CEACAM20: variants seen among roughly 807,000 people sequenced by gnomAD.
CEACAM20 encodes the protein cell adhesion molecule CEACAM20.
Under a neutral mutation model 61.2 loss-of-function variants are expected in CEACAM20, and 50 were observed. The ratio of observed to expected loss-of-function variants is 0.82; its 90% confidence interval spans 0.65 to 1.03. The LOEUF (loss-of-function observed/expected upper bound fraction) is 1.03, where lower values mean the gene tolerates loss of function less well. Among genes scored for constraint, CEACAM20 ranks in the 50% least tolerant of loss-of-function variants. CEACAM20 has a pLI of 0.00. For synonymous variants in CEACAM20, 282 were observed against 287.7 expected (o/e 0.98, Z 0.20); for missense variants, 683 against 736.4 (o/e 0.93, Z 0.84).
chr19:44,515,590 TGACA>T (rs1971131733), intron 6 of CEACAM20, among the ~76,000 whole-genome samples: 3 of 152,164 alleles, frequency 2.0e-5, no homozygotes, highest in African/African-American at 2.4e-5. Context: ...CAAAACTGGC[TGACA>T]GAGAGTACCC....
Position 44,513,172 on chromosome 19 carries a change from C to CCCTGTATCCCTGT in CEACAM20, c.1426_1427insACAGGGATACAGG (p.Arg476HisfsTer17). On this transcript the variant is annotated frameshift_variant and splice_region_variant, in exon 7 of 12. Coordinates refer to ENST00000614924, the MANE Select transcript of CEACAM20 (RefSeq NM_001102597.3). LOFTEE classifies it high-confidence loss of function. ...CCCCCTCCCTGTATCCCTGTGTTAC[C>CCCTGTATCCCTGT]GTCTGGCATTTCTGATGCAGAGAAA... The CCCTGTATCCCTGT allele has an allele frequency of 6.2e-7, 1 of 1,608,108 alleles. No individual in the cohort carries two copies. Among genetic ancestry groups the CCCTGTATCCCTGT allele is most frequent in the Non-Finnish European group, 8.5e-7 (1 of 1,174,894 alleles).
At chr19:44,526,138 A>C (rs1304336746) in intron 1 of CEACAM20, among the ~76,000 whole-genome samples, 1 of 152,160 alleles carries the variant, frequency 6.6e-6, no homozygotes, top group Non-Finnish European at 1.5e-5. Context: ...GAAAAATATT[A>C]ACTTTTGGTA....
At chr19:44,509,333 T>C (rs1970905491) in intron 11 of CEACAM20, among the ~76,000 whole-genome samples, 1 of 146,768 alleles carries the variant, frequency 6.8e-6, no homozygotes, top group South Asian at 2.2e-4. Context: ...AAGTATAACA[T>C]TAAAGAATAA....
intron 5 of CEACAM20, among the ~76,000 whole-genome samples, chr19:44,518,217 GGA>G (rs1326365235): frequency 9.6e-6 from 1 of 104,386 alleles, no homozygotes. Flanking sequence ...AAGGAAGGAA[GGA>G]GAGAGAGAGA....
In CEACAM20 at chr19:44,522,664, T is replaced by C. The variant is rs774956877; in HGVS notation, c.721A>G (p.Ser241Gly). 8 of 1,613,592 alleles carry C rather than the reference T, an allele frequency of 5.0e-6. No homozygotes were observed. The East Asian group carries it at 8.9e-5, about 18-fold the overall frequency. ...LVSNSATHLS[S>G]LGTLKVRVLE... is the part of the protein sequence containing the mutation. ...ACTCGGACCTTCAGAGTACCCAGGC[T>C]GGACAGGTGGGTGGCACTGTTGGAC... Residue 241 changes from serine (S) to glycine (G), a missense_variant, in exon 4 of 12, where the codon AGC becomes GGC. Physicochemically the swap from Ser to Gly is moderately conservative, Grantham distance 56. Transcript: ENST00000614924.
chr19:44,520,922 T>C (rs934823678), intron 4 of CEACAM20, among the ~76,000 whole-genome samples, 170 bp from the exon 5 acceptor site: 1 of 152,048 alleles, frequency 6.6e-6, no homozygotes, highest in African/African-American at 2.4e-5. Flanking sequence ...TACGTGTATG[T>C]CTTTTGTGGA....
At position 44,520,669 on chromosome 19, in the gene CEACAM20, C is replaced by T. The variant is rs770524597; in HGVS notation, c.835G>A (p.Val279Ile). The change falls in exon 5 of 12, where the codon GTC becomes ATC. Residue 279 changes from valine (V) to isoleucine (I), a missense_variant. Val to Ile is a conservative substitution (Grantham distance 29). Coordinates refer to ENST00000614924, the MANE Select transcript of CEACAM20 (RefSeq NM_001102597.3). The part of the protein sequence containing the change: ...ARSVDLTCQT[V>I]NQSVNVQWFL... ...CACTGGACATTCACACTCTGATTGA[C>T]GGTTTGGCAGGTCAGGTCCACAGAC... 1.3e-4 allele frequency: 203 copies of T among 1,613,876 alleles called. No individual in the cohort carries two copies. Among genetic ancestry groups the T allele is most frequent in the Non-Finnish European group, 1.6e-4 (183 of 1,179,892 alleles).
rs1568448369 is a variant in CEACAM20 at position 44,513,155 on chromosome 19, C to CT, written c.1427+16dup. ...CACATCCCCATCCCCATCCCCCTCC[C>CT]TGTATCCCTGTGTTACCGTCTGGCA... On this transcript the variant is annotated intron_variant, in intron 7 of 11. Coordinates refer to ENST00000614924, the MANE Select transcript of CEACAM20 (RefSeq NM_001102597.3). 2 of 1,588,708 alleles carry CT rather than the reference C, an allele frequency of 1.3e-6. No individual in the cohort carries two copies. Among genetic ancestry groups the CT allele is most frequent in the African/African-American group, 1.3e-5 (1 of 74,446 alleles).
intron 1 of CEACAM20, among the ~76,000 whole-genome samples, chr19:44,528,956 CTTT>C (rs71171255): frequency 1.3e-4 from 12 of 92,614 alleles, no homozygotes; most frequent in South Asian, 1.3e-3. Flanking sequence ...CTCTTTCTTT[CTTT>C]TTTTTTTTTT....
chr19:44,511,152 T>TCG lies in CEACAM20; in HGVS notation c.1613_1614dup (p.Lys539ArgfsTer23). The TCG allele has an allele frequency of 6.2e-7, 1 of 1,613,610 alleles. No homozygotes were observed. Among genetic ancestry groups the TCG allele is most frequent in the Non-Finnish European group, 8.5e-7 (1 of 1,179,768 alleles). ...CCTCTACGGCTTGCTGAAGGCAGCT[T>TCG]CGTCTGCAAGTAAGCAGAGAAATTA... is the stretch of plus-strand genomic sequence containing the variant. On this transcript the variant is annotated frameshift_variant, in exon 11 of 12. Transcript: ENST00000614924. LOFTEE classifies it high-confidence loss of function.
chr19:44,513,180 A>C lies in CEACAM20; in HGVS notation c.1419T>G (p.Asn473Lys), dbSNP rs759138689. 2.3e-5 allele frequency: 37 copies of C among 1,611,704 alleles called. No homozygotes were observed. Among genetic ancestry groups the C allele is most frequent in the Non-Finnish European group, 2.6e-5 (31 of 1,178,060 alleles). ...SELGYFLCIR[N>K]ARRPSRKTTE... is the part of the protein sequence containing the mutation. ...CTGTATCCCTGTGTTACCGTCTGGC[A>C]TTTCTGATGCAGAGAAAATAGCCCA... The change falls in exon 7 of 12, where the codon AAT (asparagine) becomes AAG (lysine). Residue 473 changes from asparagine to lysine, a missense_variant. By Grantham distance (94) the Asn-to-Lys change is moderately conservative. Transcript: ENST00000614924.
At position 44,529,477 on chromosome 19, in the gene CEACAM20, C is replaced by T; in HGVS notation, c.33G>A (p.Trp11Ter). MGPADSWGHH[W>*]MGILLSASLC... ...ACTCACCTGAAAGCAGGATTCCCAT[C>T]CAGTGGTGTCCCCATGAGTCAGCAG... Residue 11 changes from tryptophan to a stop codon, truncating the protein, a stop_gained, in exon 1 of 12, where the codon TGG becomes TGA. Coordinates refer to ENST00000614924, the MANE Select transcript of CEACAM20 (RefSeq NM_001102597.3). LOFTEE classifies it high-confidence loss of function. The T allele has an allele frequency of 6.2e-7, 1 of 1,613,718 alleles. No homozygotes were observed. The highest frequency in any genetic ancestry group is 8.5e-7 in the Non-Finnish European group (1 of 1,179,838).
At chr19:44,509,726 G>A (rs911289000) in intron 11 of CEACAM20, among the ~76,000 whole-genome samples, 6 of 151,980 alleles carry the variant, frequency 3.9e-5, no homozygotes, top group East Asian at 1.9e-4. Flanking sequence ...GGAAAACAGT[G>A]AAATAGAATT....
intron 11 of CEACAM20, 36 bp downstream of exon 11, chr19:44,510,994 C>T (rs758283920): frequency 1.3e-5 from 21 of 1,612,654 alleles, no homozygotes; most frequent in African/African-American, 4.0e-5. Flanking sequence ...TGACAGATTT[C>T]CACCTGTCCA....
rs59294881 is a variant in CEACAM20, at chr19:44,515,218, AATGATGATG to A, written c.1309+1719_1309+1727del. ...CCTGATACATACCAGATGCTTGACA[AATGATGATG>A]ATGATGATGATGATGATGATGATGA... On this transcript the variant is annotated intron_variant, in intron 6 of 11. Transcript: ENST00000614924. 2.0e-4 allele frequency among the ~76,000 whole-genome samples: 30 copies of A among 149,068 alleles called. No homozygotes were observed. The South Asian group carries it at 3.0e-3, about 15-fold the overall frequency.
At position 44,525,176 on chromosome 19, in the gene CEACAM20, C is replaced by G; in HGVS notation, c.121G>C (p.Ala41Pro). The G allele has an allele frequency of 6.2e-7, 1 of 1,610,342 alleles. No homozygotes were observed. Among genetic ancestry groups the G allele is most frequent in the African/African-American group, 1.3e-5 (1 of 74,734 alleles). Residue 41 changes from alanine to proline, a missense_variant, in exon 2 of 12, where the codon GCC becomes CCC. Physicochemically the swap from Ala to Pro is conservative, Grantham distance 27. Coordinates refer to ENST00000614924, the MANE Select transcript of CEACAM20 (RefSeq NM_001102597.3). Reference sequence around the variant, plus strand: ...AGAACAACATCCTCACTTTGGGTGGCATCAAGTGGGTTGGCATTGAGGGTG... The same window carrying G: ...AGAACAACATCCTCACTTTGGGTGGGATCAAGTGGGTTGGCATTGAGGGTG... Reference protein sequence around the residue: ...QLTLNANPLDATQSEDVVLPV... With the variant: ...QLTLNANPLDPTQSEDVVLPV...
intron 5 of CEACAM20, 38 bp downstream of exon 5, chr19:44,520,436 C>G (rs767230751): frequency 2.3e-5 from 37 of 1,594,582 alleles, no homozygotes; most frequent in Non-Finnish European, 3.2e-5. Context: ...AGGAGGGAAG[C>G]AGGGAGATGG....
At chr19:44,515,105 T>C (rs766160090) in intron 6 of CEACAM20, among the ~76,000 whole-genome samples, 1 of 152,166 alleles carries the variant, frequency 6.6e-6, no homozygotes, top group Non-Finnish European at 1.5e-5. Flanking sequence ...CCCAAAGTGC[T>C]GGGATTACAG....
intron 5 of CEACAM20, 98 bp downstream of exon 5, chr19:44,520,376 G>A: frequency 6.8e-7 from 1 of 1,461,052 alleles, no homozygotes; most frequent in Non-Finnish European, 9.3e-7. Flanking sequence ...ACACAGAGCA[G>A]GAGCTCAATA....
Sources: gnomAD v4.1 joint callset for allele counts (sites outside exome capture counted in the v4.1 genomes callset) on GRCh38, gnomAD v4.1.1 for gene constraint, MANE v1.5 for transcripts, NCBI Gene and HGNC (gene_info 2026-07-23, HGNC 2026-07-21) for gene names.